GRM1: variants seen among roughly 807,000 people sequenced by gnomAD.
GRM1 encodes glutamate metabotropic receptor 1.
A neutral mutation model predicts 90.9 loss-of-function variants in GRM1; 33 were observed. That is an observed-to-expected ratio of 0.36 (90% CI 0.28 to 0.49). GRM1 has a LOEUF of 0.49. Among genes scored for constraint, GRM1 ranks in the 20% least tolerant of loss-of-function variants. GRM1 has a pLI of 0.99. For synonymous variants in GRM1, 700 were observed against 613.2 expected (o/e 1.14, Z -2.09); for missense variants, 1,190 against 1,534.3 (o/e 0.78, Z 3.75).
chr6:146,279,091 G>GT (rs1462054381), intron 2 of GRM1, among the ~76,000 whole-genome samples: 2 of 151,998 alleles, frequency 1.3e-5, no homozygotes, highest in Non-Finnish European at 2.9e-5. Flanking sequence ...TTTTTCTATT[G>GT]TGTCTACCAA....
At chr6:146,217,419 G>A (rs946184016) in intron 2 of GRM1, among the ~76,000 whole-genome samples, 1 of 152,164 alleles carries the variant, frequency 6.6e-6, no homozygotes. Flanking sequence ...TAAAAATCAT[G>A]ATTCATAAAC....
At chr6:146,085,895 C>T (rs1332903448) in intron 1 of GRM1, among the ~76,000 whole-genome samples, 1 of 152,060 alleles carries the variant, frequency 6.6e-6, no homozygotes, top group Non-Finnish European at 1.5e-5. Context: ...GAGAATTATA[C>T]TCTGATATGA....
intron 1 of GRM1, among the ~76,000 whole-genome samples, chr6:146,047,946 A>G (rs909485756): frequency 3.9e-5 from 6 of 152,144 alleles, no homozygotes; most frequent in Middle Eastern, 3.4e-3. Flanking sequence ...ACCCTTGGTG[A>G]CAGAGCAAGA....
chr6:146,240,831 G>T (rs968666970), intron 2 of GRM1, among the ~76,000 whole-genome samples: 5 of 152,074 alleles, frequency 3.3e-5, no homozygotes, highest in Non-Finnish European at 7.4e-5. Context: ...TGACATTGTG[G>T]TACAGTCTTC....
chr6:146,330,778 T>G (rs535532642), intron 3 of GRM1, among the ~76,000 whole-genome samples: 128 of 152,302 alleles, frequency 8.4e-4, no homozygotes, highest in African/African-American at 2.9e-3. Context: ...AATCAACTAC[T>G]TAAGTAAATC....
At chr6:146,105,912 A>G (rs1167203347) in intron 1 of GRM1, among the ~76,000 whole-genome samples, 1 of 152,164 alleles carries the variant, frequency 6.6e-6, no homozygotes, top group African/African-American at 2.4e-5. Context: ...AAGCCTAACT[A>G]AAGCTTGGGT....
chr6:146,138,304 G>A (rs902588507), intron 1 of GRM1, among the ~76,000 whole-genome samples: 1 of 151,758 alleles, frequency 6.6e-6, no homozygotes, highest in Admixed American at 6.6e-5. Context: ...GTTGCATATC[G>A]TTTTTATTAT....
intron 3 of GRM1, among the ~76,000 whole-genome samples, chr6:146,322,028 A>C (rs1363486327): frequency 6.6e-6 from 1 of 151,934 alleles, no homozygotes; most frequent in East Asian, 1.9e-4. Flanking sequence ...CCTCATCTTC[A>C]TGGATTTATC....
chr6:146,046,920 G>A (rs535835335), intron 1 of GRM1, among the ~76,000 whole-genome samples: 26 of 151,904 alleles, frequency 1.7e-4, no homozygotes, highest in Non-Finnish European at 1.5e-5. Context: ...TATTGGGTAG[G>A]TATTTGAAAT....
In GRM1 at chr6:146,112,668, T is replaced by G. The variant is rs573281278; in HGVS notation, c.701-46680T>G. Among the ~76,000 whole-genome samples, 11 of 152,322 alleles carry G rather than the reference T, an allele frequency of 7.2e-5. 1 individual carries two copies. The East Asian group carries it at 2.1e-3, about 29-fold the overall frequency. ...TAGGAAGATTTTTATATTTTTCCTT[T>G]GTATGTTCACATTCAGATCACTCAC... On this transcript the variant is annotated intron_variant, in intron 1 of 7. Transcript: ENST00000282753.
At chr6:146,159,082 G>A (rs956735200) in intron 1 of GRM1, among the ~76,000 whole-genome samples, 3 of 152,128 alleles carry the variant, frequency 2.0e-5, no homozygotes, top group African/African-American at 7.2e-5. Context: ...GTAAAATAGG[G>A]CAGCAATCCT....
At chr6:146,227,061 TC>T (rs773509296) in intron 2 of GRM1, among the ~76,000 whole-genome samples, 9 of 152,164 alleles carry the variant, frequency 5.9e-5, no homozygotes, top group Non-Finnish European at 4.4e-5. Context: ...TTTTATTATA[TC>T]ATTTCACTAA....
chr6:146,231,654 C>A (rs1780453440), intron 2 of GRM1, among the ~76,000 whole-genome samples: 1 of 151,970 alleles, frequency 6.6e-6, no homozygotes, highest in African/African-American at 2.4e-5. Flanking sequence ...AAGTTCTTTC[C>A]ACGGAAATCA....
intron 2 of GRM1, among the ~76,000 whole-genome samples, chr6:146,257,715 G>A (rs775338619): frequency 4.6e-5 from 7 of 152,130 alleles, no homozygotes; most frequent in Non-Finnish European, 7.4e-5. Context: ...ACCAGCTCAA[G>A]CATTCAGGTG....
intron 1 of GRM1, among the ~76,000 whole-genome samples, chr6:146,153,470 A>T (rs1487690958): frequency 6.6e-6 from 1 of 152,212 alleles, no homozygotes; most frequent in Non-Finnish European, 1.5e-5. Context: ...ATGGGAATTT[A>T]TATGTAAGTT....
At chr6:146,040,661 T>C (rs1791065222) in intron 1 of GRM1, among the ~76,000 whole-genome samples, 1 of 152,028 alleles carries the variant, frequency 6.6e-6, no homozygotes, top group South Asian at 2.1e-4. Context: ...TGTTTTCCTT[T>C]CTCTTGCTCC....
chr6:146,176,907 C>A (rs1778358651), intron 2 of GRM1, among the ~76,000 whole-genome samples: 1 of 152,198 alleles, frequency 6.6e-6, no homozygotes, highest in South Asian at 2.1e-4. Flanking sequence ...AGTTACTTAA[C>A]CTTTCTCTAA....
At chr6:146,240,387 G>T (rs185951367) in intron 2 of GRM1, among the ~76,000 whole-genome samples, 3 of 151,846 alleles carry the variant, frequency 2.0e-5, no homozygotes, top group Admixed American at 2.0e-4. Context: ...AAACTGTGAG[G>T]CAAGGCAGGG....
chr6:146,027,987 T>G (rs143992644), upstream of GRM1, among the ~76,000 whole-genome samples: 83 of 152,254 alleles, frequency 5.5e-4, 1 homozygote, highest in East Asian at 4.9e-3. Flanking sequence ...CTGGGTTTTC[T>G]TTCTCCTTTT....
Sources: allele counts gnomAD v4.1 joint callset (sites outside exome capture counted in the v4.1 genomes callset), GRCh38; gene constraint gnomAD v4.1.1; transcripts MANE v1.5; gene names NCBI Gene and HGNC (gene_info 2026-07-23, HGNC 2026-07-21).